Variants in ASB3 observed in about 807,000 individuals in gnomAD.
The protein encoded by ASB3 is ankyrin repeat and SOCS box containing 3.
Under a neutral mutation model 54.5 loss-of-function variants are expected in ASB3, and 41 were observed. The observed-to-expected ratio is 0.75, with a 90% CI of 0.59 to 0.98. ASB3 has a LOEUF of 0.98. Among genes scored for constraint, ASB3 ranks in the 50% least tolerant of loss-of-function variants. ASB3 has a pLI of 0.00. For missense variants in ASB3, 733 were observed against 620.0 expected, an observed-to-expected ratio of 1.18 and a Z score of -1.94; for synonymous variants, 266 against 221.2, an observed-to-expected ratio of 1.20 and a Z score of -1.80.
At chr2:53,772,065 CT>C in intron 1 of ASB3, 3 of 623,662 alleles carry the variant, frequency 4.8e-6, no homozygotes, top group Non-Finnish European at 8.1e-6. Context: ...GAATTCTTCT[CT>C]GTATTTGTGG....
intron 3 of ASB3, among the ~76,000 whole-genome samples, chr2:53,736,461 G>C (rs1671632869): frequency 6.6e-6 from 1 of 152,178 alleles, no homozygotes; most frequent in East Asian, 1.9e-4. Flanking sequence ...CACTTTGGGA[G>C]GCCGAGGCAG....
chr2:53,689,162 G>T (rs1379850185), intron 9 of ASB3, among the ~76,000 whole-genome samples: 3 of 151,428 alleles, frequency 2.0e-5, no homozygotes, highest in African/African-American at 7.3e-5. Flanking sequence ...ATAAATTTGG[G>T]TAGTCAAAGG....
chr2:53,740,153 T>G (rs1671854609), intron 3 of ASB3, among the ~76,000 whole-genome samples: 2 of 152,244 alleles, frequency 1.3e-5, no homozygotes, highest in African/African-American at 4.8e-5. Flanking sequence ...TATATGAATT[T>G]TTAATGGTAT....
chr2:53,779,878 CT>C, intron 1 of ASB3, among the ~76,000 whole-genome samples: 1 of 152,324 alleles, frequency 6.6e-6, no homozygotes, highest in Non-Finnish European at 1.5e-5. Context: ...AAAACAAATT[CT>C]GATAAATTGA....
intron 2 of ASB3, among the ~76,000 whole-genome samples, chr2:53,754,868 A>C (rs889515704): frequency 6.6e-6 from 1 of 152,242 alleles, no homozygotes; most frequent in Non-Finnish European, 1.5e-5. Context: ...ACTATAAATT[A>C]GTTTTGAAAG....
chr2:53,726,405 C>T (rs999321720), intron 5 of ASB3, among the ~76,000 whole-genome samples: 1 of 150,524 alleles, frequency 6.6e-6, no homozygotes, highest in African/African-American at 2.4e-5. Flanking sequence ...GGACTACAGG[C>T]GCACACCACT....
At chr2:53,754,081 A>G (rs1672681614) in intron 2 of ASB3, among the ~76,000 whole-genome samples, 1 of 152,156 alleles carries the variant, frequency 6.6e-6, no homozygotes, top group Admixed American at 6.5e-5. Context: ...TGCTCAAAAA[A>G]CAAACAATGG....
chr2:53,682,865 T>C (rs561898932), intron 9 of ASB3, among the ~76,000 whole-genome samples: 6 of 152,354 alleles, frequency 3.9e-5, no homozygotes, highest in East Asian at 3.9e-4. Context: ...TCAGTTCTAA[T>C]AGGTTTTTGG....
At chr2:53,758,678 T>C (rs1035540279) in intron 2 of ASB3, among the ~76,000 whole-genome samples, 3 of 151,978 alleles carry the variant, frequency 2.0e-5, no homozygotes, top group African/African-American at 7.3e-5. Context: ...CATTGGTGAG[T>C]GTAACTAATC....
chr2:53,731,960 C>T (rs1347392196), intron 3 of ASB3, among the ~76,000 whole-genome samples: 2 of 147,108 alleles, frequency 1.4e-5, no homozygotes, highest in Admixed American at 1.4e-4. Flanking sequence ...GCCCCCACAA[C>T]AGTTTGTTTT....
intron 1 of ASB3, chr2:53,767,518 C>T (rs569359868): frequency 3.3e-5 from 6 of 183,630 alleles, no homozygotes; most frequent in African/African-American, 1.2e-4. Flanking sequence ...TCCTCGGCCC[C>T]GTTAGAAATA....
chr2:53,782,247 T>G (rs1674690067), intron 1 of ASB3, among the ~76,000 whole-genome samples: 1 of 152,144 alleles, frequency 6.6e-6, no homozygotes, highest in Non-Finnish European at 1.5e-5. Context: ...CACATACATT[T>G]TCCTCCGCTT....
chr2:53,729,447 T>G lies in ASB3; in HGVS notation c.468+11A>C, dbSNP rs1671181200. ...TTTACATGGAAATGAAATAATAAAT[T>G]CAGAGGTTACCTGAAAAGAAGCCTG... On this transcript the variant is annotated intron_variant, in intron 4 of 9. Coordinates refer to ENST00000263634, the MANE Select transcript of ASB3 (RefSeq NM_016115.5). 2 of 1,612,294 alleles carry G rather than the reference T, an allele frequency of 1.2e-6. No individual in the cohort carries two copies. The highest frequency in any genetic ancestry group is 1.3e-5 in the African/African-American group (1 of 74,864).
intron 5 of ASB3, among the ~76,000 whole-genome samples, chr2:53,725,376 A>C (rs1393840040): frequency 6.6e-6 from 1 of 152,112 alleles, no homozygotes; most frequent in African/African-American, 2.4e-5. Flanking sequence ...CATATCCCAA[A>C]CCTCAGCATC....
At chr2:53,761,311 G>A (rs1673131861) in intron 2 of ASB3, among the ~76,000 whole-genome samples, 1 of 152,128 alleles carries the variant, frequency 6.6e-6, no homozygotes, top group African/African-American at 2.4e-5. Flanking sequence ...GAGCACAGAG[G>A]GAGGGACAAT....
chr2:53,682,697 G>C (rs370099419), intron 9 of ASB3, among the ~76,000 whole-genome samples: 1 of 151,990 alleles, frequency 6.6e-6, no homozygotes, highest in Non-Finnish European at 1.5e-5. Context: ...GGCTGGTCTC[G>C]AACTCCTGAC....
At chr2:53,751,542 G>A (rs1298857683) in intron 2 of ASB3, among the ~76,000 whole-genome samples, 1 of 152,018 alleles carries the variant, frequency 6.6e-6, no homozygotes, top group Non-Finnish European at 1.5e-5. Context: ...TCATGAAAAC[G>A]TCAAGGTTCT....
At chr2:53,778,450 A>G (rs1215860942) in intron 1 of ASB3, among the ~76,000 whole-genome samples, 1 of 152,162 alleles carries the variant, frequency 6.6e-6, no homozygotes, top group Non-Finnish European at 1.5e-5. Context: ...AGCAAGTATA[A>G]AGTACATTAT....
chr2:53,688,977 A>G (rs966376717), intron 9 of ASB3, among the ~76,000 whole-genome samples: 1 of 152,236 alleles, frequency 6.6e-6, no homozygotes, highest in Non-Finnish European at 1.5e-5. Context: ...TTATCCCTCT[A>G]GGACCATATA....
Sources: gnomAD v4.1 joint callset for allele counts (sites outside exome capture counted in the v4.1 genomes callset) on GRCh38, gnomAD v4.1.1 for gene constraint, MANE v1.5 for transcripts, NCBI Gene and HGNC (gene_info 2026-07-23, HGNC 2026-07-21) for gene names.